The following DHRSX variants were observed in gnomAD, a reference collection of about 807,000 sequenced individuals.
The protein encoded by DHRSX is dehydrogenase/reductase X-linked, also known as polyprenol dehydrogenase.
A neutral mutation model predicts 34.0 loss-of-function variants in DHRSX; 31 were observed. That is an observed-to-expected ratio of 0.91 (90% CI 0.69 to 1.23). DHRSX has a LOEUF of 1.23. DHRSX is among the 50% of genes most tolerant of loss of function. The pLI is 0.00. For synonymous variants in DHRSX, 201 were observed against 183.8 expected (o/e 1.09, Z -0.76); for missense variants, 414 against 428.1 (o/e 0.97, Z 0.29).
At chrX:2,222,744 G>T (rs1272007767) in intron 6 of DHRSX, among the ~76,000 whole-genome samples, 2 of 152,168 alleles carry the variant, frequency 1.3e-5, no homozygotes, top group Non-Finnish European at 2.9e-5. Context: ...CTCCAAAAAG[G>T]AAAAGGGTGG....
intron 2 of DHRSX, among the ~76,000 whole-genome samples, chrX:2,424,936 T>C (rs2043823253): frequency 6.6e-6 from 1 of 151,978 alleles, no homozygotes; most frequent in Non-Finnish European, 1.5e-5. Flanking sequence ...GCTCAGGAGT[T>C]CAAGACCAGC....
chrX:2,452,435 C>T (rs1400591169), intron 1 of DHRSX, among the ~76,000 whole-genome samples: 1 of 151,896 alleles, frequency 6.6e-6, no homozygotes, highest in African/African-American at 2.4e-5. Flanking sequence ...TGAAGACATT[C>T]CCTACGAATG....
chrX:2,351,930 G>A (rs1312968842), intron 3 of DHRSX, among the ~76,000 whole-genome samples: 2 of 152,212 alleles, frequency 1.3e-5, no homozygotes, highest in Non-Finnish European at 2.9e-5. Context: ...ATAACAGCCA[G>A]GCTGGTCTCA....
intron 2 of DHRSX, among the ~76,000 whole-genome samples, chrX:2,420,697 C>T (rs1380644830): frequency 1.5e-4 from 23 of 151,234 alleles, no homozygotes; most frequent in Non-Finnish European, 3.1e-4. Context: ...GAGCTGAGAT[C>T]GCGCCACTGC....
At chrX:2,444,013 A>AG (rs2044096934) in intron 1 of DHRSX, among the ~76,000 whole-genome samples, 1 of 151,136 alleles carries the variant, frequency 6.6e-6, no homozygotes, top group Non-Finnish European at 1.5e-5. Context: ...TCAAAAAGAA[A>AG]AAAAAAAAAA....
At chrX:2,322,378 G>C (rs147766426) in intron 3 of DHRSX, among the ~76,000 whole-genome samples, 3 of 151,662 alleles carry the variant, frequency 2.0e-5, no homozygotes, top group African/African-American at 7.3e-5. Context: ...GTGAAACCCT[G>C]TCTCTACTAA....
chrX:2,420,828 GA>G (rs1479337143), intron 2 of DHRSX, among the ~76,000 whole-genome samples: 87 of 152,078 alleles, frequency 5.7e-4, no homozygotes, highest in African/African-American at 2.0e-3. Flanking sequence ...TTGATGGAAA[GA>G]AAGAGACTGA....
chrX:2,407,212 T>C (rs192608004), intron 3 of DHRSX, among the ~76,000 whole-genome samples: 98 of 152,218 alleles, frequency 6.4e-4, no homozygotes, highest in African/African-American at 2.4e-3. Flanking sequence ...ATTTGCTGGG[T>C]CCGACTCGCA....
intron 1 of DHRSX, among the ~76,000 whole-genome samples, chrX:2,439,785 GCCA>G (rs1422533581): frequency 6.6e-6 from 1 of 151,994 alleles, no homozygotes; most frequent in Admixed American, 6.6e-5. Context: ...AGACTCTAAT[GCCA>G]CCACTGATCT....
At chrX:2,333,649 G>C (rs964330523) in intron 3 of DHRSX, among the ~76,000 whole-genome samples, 2 of 151,938 alleles carry the variant, frequency 1.3e-5, no homozygotes, top group African/African-American at 2.4e-5. Context: ...TCCTGACCTC[G>C]TGATCTGCCC....
chrX:2,230,595 A>T (rs2038669331), intron 6 of DHRSX, among the ~76,000 whole-genome samples: 1 of 152,166 alleles, frequency 6.6e-6, no homozygotes, highest in African/African-American at 2.4e-5. Context: ...AACATTTACA[A>T]ATCAGTTGCA....
At chrX:2,263,097 A>G (rs2041385878) in intron 5 of DHRSX, among the ~76,000 whole-genome samples, 1 of 152,214 alleles carries the variant, frequency 6.6e-6, no homozygotes, top group Non-Finnish European at 1.5e-5. Context: ...TGATGCTGGC[A>G]CAGCCAAGCA....
At chrX:2,224,340 C>T (rs1293806915) in intron 6 of DHRSX, among the ~76,000 whole-genome samples, 1 of 152,180 alleles carries the variant, frequency 6.6e-6, no homozygotes, top group Non-Finnish European at 1.5e-5. Flanking sequence ...TGTGGTTCCC[C>T]TGTGGGCAGT....
intron 3 of DHRSX, among the ~76,000 whole-genome samples, chrX:2,356,509 C>G (rs2042854312): frequency 6.6e-6 from 1 of 152,124 alleles, no homozygotes; most frequent in South Asian, 2.1e-4. Flanking sequence ...GAGAAGGAAA[C>G]CAGTTGAGAG....
chrX:2,424,143 G>A (rs976198061), intron 2 of DHRSX, among the ~76,000 whole-genome samples: 7 of 152,170 alleles, frequency 4.6e-5, no homozygotes, highest in Non-Finnish European at 8.8e-5. Flanking sequence ...ATGAGGACAC[G>A]GACACACACA....
chrX:2,415,678 C>T (rs2043684342), intron 2 of DHRSX, among the ~76,000 whole-genome samples: 1 of 151,132 alleles, frequency 6.6e-6, no homozygotes, highest in African/African-American at 2.4e-5. Flanking sequence ...CATAATCTAA[C>T]CCAACTAGAC....
intron 3 of DHRSX, among the ~76,000 whole-genome samples, chrX:2,325,129 G>A (rs972049327): frequency 6.6e-6 from 1 of 152,192 alleles, no homozygotes; most frequent in South Asian, 2.1e-4. Context: ...TGAACAGCCT[G>A]TCAAGTCGAG....
rs761476513 is a variant in DHRSX, at chrX:2,221,001, A to C, written c.*40T>G. 1 of 1,596,130 alleles carries C rather than the reference A, an allele frequency of 6.3e-7. No individual in the cohort carries two copies. The highest frequency in any genetic ancestry group is 8.6e-7 in the Non-Finnish European group (1 of 1,168,026). ...AGACCCACAAGCTATTGGCAGGTGC[A>C]ATGTGTTTCTTGGGGCAGCAGCTAT... On this transcript the variant is annotated 3_prime_UTR_variant, in exon 7 of 7. Transcript: ENST00000334651.
chrX:2,339,467 G>A (rs2042613585), intron 3 of DHRSX, among the ~76,000 whole-genome samples: 2 of 151,990 alleles, frequency 1.3e-5, no homozygotes. Flanking sequence ...GGTGATTTGT[G>A]AGATTTTGGT....
Sources: gnomAD v4.1 joint callset for allele counts (sites outside exome capture counted in the v4.1 genomes callset) on GRCh38, gnomAD v4.1.1 for gene constraint, MANE v1.5 for transcripts, NCBI Gene and HGNC (gene_info 2026-07-23, HGNC 2026-07-21) for gene names.